Variants in MYO5A observed in about 807,000 individuals in gnomAD.
The protein encoded by MYO5A is unconventional myosin-Va.
A neutral mutation model predicts 249.7 loss-of-function variants in MYO5A; 98 were observed. The ratio of observed to expected loss-of-function variants is 0.39; its 90% CI spans 0.33 to 0.46. MYO5A has a LOEUF of 0.46. Ranked by LOEUF, MYO5A falls within the 20% of genes least tolerant of loss-of-function variation. The pLI is 0.98. For missense variants in MYO5A, 1,696 were observed against 2,308.8 expected (o/e 0.73, Z 5.44); for synonymous variants, 778 against 810.6 (o/e 0.96, Z 0.68).
At chr15:52,461,297 G>A (rs192198161) in intron 1 of MYO5A, among the ~76,000 whole-genome samples, 41 of 152,114 alleles carry the variant, frequency 2.7e-4, no homozygotes, top group Admixed American at 1.3e-3. Context: ...ACATTTAAAG[G>A]GCATACTTAA....
At chr15:52,454,796 C>T (rs999682049) in intron 1 of MYO5A, among the ~76,000 whole-genome samples, 7 of 151,840 alleles carry the variant, frequency 4.6e-5, no homozygotes, top group African/African-American at 1.7e-4. Flanking sequence ...ATACAACATA[C>T]CAAAATCTAT....
chr15:52,371,555 G>T (rs1235463810), intron 21 of MYO5A, among the ~76,000 whole-genome samples: 2 of 152,106 alleles, frequency 1.3e-5, no homozygotes, highest in Non-Finnish European at 2.9e-5. Context: ...ATGACTCTTG[G>T]TCATAAAGGT....
At position 52,425,919 on chromosome 15, in the gene MYO5A, A is replaced by G; in HGVS notation, c.366T>C (p.Asp122=). ...TCTGACCACTGTATGCATTAATAATATCTTCTCCATAAATAGGCAGCTGTT... is the reference window on the plus strand; with the variant it reads ...TCTGACCACTGTATGCATTAATAATGTCTTCTCCATAAATAGGCAGCTGTT... ...PYEQLPIYGE[D]IINAYSGQNM... The change falls in exon 4 of 42, where the codon GAT becomes GAC. Residue 122 remains aspartate, a synonymous_variant. Coordinates refer to ENST00000399233, the MANE Select transcript of MYO5A (RefSeq NM_001382347.1). The G allele has an allele frequency of 1.2e-6, 2 of 1,613,068 alleles. No individual in the cohort carries two copies. Among genetic ancestry groups the G allele is most frequent in the South Asian group, 1.1e-5 (1 of 91,056 alleles).
intron 11 of MYO5A, among the ~76,000 whole-genome samples, chr15:52,392,581 A>G: frequency 6.6e-6 from 1 of 152,230 alleles, no homozygotes; most frequent in Non-Finnish European, 1.5e-5. Context: ...TGCCCTGATT[A>G]TCTGTGATAG....
intron 1 of MYO5A, among the ~76,000 whole-genome samples, chr15:52,446,682 C>G (rs1422108914): frequency 6.6e-6 from 1 of 152,222 alleles, no homozygotes; most frequent in African/African-American, 2.4e-5. Flanking sequence ...CCCATAAGAA[C>G]AGCCCTAGGG....
chr15:52,458,179 G>A, intron 1 of MYO5A, among the ~76,000 whole-genome samples: 1 of 152,212 alleles, frequency 6.6e-6, no homozygotes, highest in East Asian at 1.9e-4. Context: ...ATAACTGCTA[G>A]TGTTCAATAG....
At chr15:52,375,176 G>A (rs1188213681) in intron 20 of MYO5A, 128 bp downstream of exon 20, 4 of 906,538 alleles carry the variant, frequency 4.4e-6, no homozygotes, top group Non-Finnish European at 6.7e-6. Context: ...AAATAAATAT[G>A]CATTTCAATA....
intron 1 of MYO5A, among the ~76,000 whole-genome samples, chr15:52,466,353 C>T (rs1282593108): frequency 6.6e-6 from 1 of 152,110 alleles, no homozygotes; most frequent in African/African-American, 2.4e-5. Flanking sequence ...GGTGCTGAAA[C>T]TGGGCTCCCC....
intron 1 of MYO5A, among the ~76,000 whole-genome samples, chr15:52,441,478 C>T (rs1318442755): frequency 6.6e-6 from 1 of 152,160 alleles, no homozygotes; most frequent in Non-Finnish European, 1.5e-5. Context: ...TCATCCTGCT[C>T]CCCACCAATT....
Position 52,369,440 on chromosome 15 carries a change from T to A in MYO5A, c.3066+729A>T, listed in dbSNP as rs2414141. ...AGTACATCTCATTACTACTTGACAA[T>A]CTTAATGTCTTCTATACTTAATAAA... On this transcript the variant is annotated intron_variant, in intron 22 of 41. Transcript: ENST00000399233. 4.4e-4 allele frequency among the ~76,000 whole-genome samples: 67 copies of A among 152,328 alleles called. 1 individual carries two copies. In the East Asian group the frequency reaches 7.1e-3, roughly 16 times the overall value.
intron 1 of MYO5A, among the ~76,000 whole-genome samples, chr15:52,448,842 C>G (rs911288472): frequency 6.6e-6 from 1 of 152,026 alleles, no homozygotes; most frequent in African/African-American, 2.4e-5. Flanking sequence ...TTTCCTGAGG[C>G]CTCCACAGCC....
chr15:52,371,409 A>G (rs1277391477), intron 21 of MYO5A, among the ~76,000 whole-genome samples: 1 of 152,238 alleles, frequency 6.6e-6, no homozygotes, highest in African/African-American at 2.4e-5. Flanking sequence ...TTGCTATTTC[A>G]ATGCTAAACC....
rs1595589032 is a variant in MYO5A, at chr15:52,394,583, T to C, written c.1401+1733A>G. ...GTTGTGCAGAATCGAAGATGCAGAA[T>C]GTAAGGGGGTATGTGAAGAGAGAAG... On this transcript the variant is annotated intron_variant, in intron 11 of 41. Coordinates refer to ENST00000399233, the MANE Select transcript of MYO5A (RefSeq NM_001382347.1). 2.0e-5 allele frequency among the ~76,000 whole-genome samples: 3 copies of C among 151,838 alleles called. 1 individual carries two copies. In the South Asian group the frequency reaches 6.2e-4, roughly 32 times the overall value.
At chr15:52,396,769 A>C (rs983686320) in intron 10 of MYO5A, among the ~76,000 whole-genome samples, 4 of 152,240 alleles carry the variant, frequency 2.6e-5, no homozygotes, top group African/African-American at 4.8e-5. Flanking sequence ...TAGGAGGGAA[A>C]TAGGAACAGA....
rs750059573 is a variant in MYO5A at position 52,336,449 on chromosome 15, A to G, written c.4408+14T>C. The G allele has an allele frequency of 6.5e-7, 1 of 1,549,400 alleles. No individual in the cohort carries two copies. Among genetic ancestry groups the G allele is most frequent in the Admixed American group, 1.8e-5 (1 of 56,892 alleles). ...CAAGACTCAGTGACCGTCTTGAAAA[A>G]AAGGTTTAAATACCTTCTAGTTCGC... On this transcript the variant is annotated intron_variant, in intron 34 of 41. Transcript: ENST00000399233.
At chr15:52,351,977 C>G (rs1300291402) in intron 27 of MYO5A, among the ~76,000 whole-genome samples, 1 of 152,324 alleles carries the variant, frequency 6.6e-6, no homozygotes, top group South Asian at 2.1e-4. Context: ...CTTTTAACTT[C>G]TAATTTAAAA....
chr15:52,415,943 C>T, intron 5 of MYO5A: 1 of 644,926 alleles, frequency 1.6e-6, no homozygotes, highest in East Asian at 2.9e-5. Context: ...ACAGATTCCG[C>T]TATAGCTGGG....
chr15:52,370,741 T>G (rs1211225102), intron 21 of MYO5A, among the ~76,000 whole-genome samples: 3 of 152,208 alleles, frequency 2.0e-5, no homozygotes, highest in Non-Finnish European at 4.4e-5. Context: ...TCTATACTTG[T>G]TTTTGAAAAC....
intron 1 of MYO5A, among the ~76,000 whole-genome samples, chr15:52,478,059 C>G (rs550229048): frequency 5.3e-4 from 81 of 152,344 alleles, no homozygotes; most frequent in African/African-American, 1.9e-3. Context: ...GTGGGCTCCA[C>G]CCAGTTCGAG....
Sources: gnomAD v4.1 joint callset for allele counts (sites outside exome capture counted in the v4.1 genomes callset) on GRCh38, gnomAD v4.1.1 for gene constraint, MANE v1.5 for transcripts, NCBI Gene and HGNC (gene_info 2026-07-23, HGNC 2026-07-21) for gene names.